IMMP2L: variants seen among roughly 807,000 people sequenced by gnomAD.
IMMP2L encodes inner mitochondrial membrane peptidase subunit 2, also known as mitochondrial inner membrane protease subunit 2.
In IMMP2L, 18 loss-of-function variants were observed where a neutral mutation model predicts 19.3. That is an observed-to-expected ratio of 0.93 (90% confidence interval 0.64 to 1.38). IMMP2L has a LOEUF of 1.38. Among genes scored for constraint, IMMP2L ranks in the 40% most tolerant of loss-of-function variants. The probability of loss-of-function intolerance (pLI) is 0.00; values close to 1 mark genes in which losing one functional copy is unlikely to be tolerated. For synonymous variants in IMMP2L, 76 were observed against 73.0 expected (o/e 1.04, Z -0.21); for missense variants, 233 against 218.2 (o/e 1.07, Z -0.43).
At chr7:110,826,500 T>C (rs1336653126) in intron 5 of IMMP2L, among the ~76,000 whole-genome samples, 1 of 152,162 alleles carries the variant, frequency 6.6e-6, no homozygotes, top group Non-Finnish European at 1.5e-5. Context: ...TGGAATACTA[T>C]GCAGCCATAA....
chr7:111,227,293 C>T (rs939450190), intron 3 of IMMP2L, among the ~76,000 whole-genome samples: 2 of 152,098 alleles, frequency 1.3e-5, no homozygotes, highest in Non-Finnish European at 2.9e-5. Context: ...TCTCCTTCTC[C>T]ATTTTCTATA....
rs535595391 is a variant in IMMP2L at position 111,229,093 on chromosome 7, T to A, written c.239+258145A>T. ...ACCCGGATTTTACATACCAACAATT[T>A]ACCAACACACTAACAGTTTACAAAA... On this transcript the variant is annotated intron_variant, in intron 3 of 5. Transcript: ENST00000405709. 2.0e-5 allele frequency among the ~76,000 whole-genome samples: 3 copies of A among 151,910 alleles called. No individual in the cohort carries two copies. In the East Asian group the frequency reaches 5.8e-4, roughly 30 times the overall value.
intron 3 of IMMP2L, among the ~76,000 whole-genome samples, chr7:111,193,909 T>C (rs1809179033): frequency 6.6e-6 from 1 of 152,184 alleles, no homozygotes; most frequent in South Asian, 2.1e-4. Context: ...TCAATTGACC[T>C]TACATCTCAA....
chr7:111,417,558 G>A lies in IMMP2L; in HGVS notation c.239+69680C>T, dbSNP rs181494114. ...GTCCTGATATGAAGGTTCGTAGTCA[G>A]AGGTCTATGAAGACCCCTCAATGTG... On this transcript the variant is annotated intron_variant, in intron 3 of 5. Coordinates refer to ENST00000405709, the MANE Select transcript of IMMP2L (RefSeq NM_032549.4). Among the ~76,000 whole-genome samples the A allele has an allele frequency of 4.5e-4, 68 of 151,880 alleles. 4 individuals carry two copies. Among genetic ancestry groups the A allele is most frequent in the African/African-American group, 1.4e-3 (59 of 41,222 alleles).
At chr7:111,426,566 C>A (rs1836097508) in intron 3 of IMMP2L, among the ~76,000 whole-genome samples, 2 of 151,068 alleles carry the variant, frequency 1.3e-5, no homozygotes, top group African/African-American at 4.9e-5. Context: ...ACTCTGCCCC[C>A]AAAAAACTGA....
At chr7:111,464,769 A>G (rs1233481822) in intron 3 of IMMP2L, among the ~76,000 whole-genome samples, 1 of 152,080 alleles carries the variant, frequency 6.6e-6, no homozygotes, top group Non-Finnish European at 1.5e-5. Flanking sequence ...TATACAAAAA[A>G]CACAGCCAAC....
chr7:111,211,239 T>C (rs981399870), intron 3 of IMMP2L, among the ~76,000 whole-genome samples: 1 of 152,102 alleles, frequency 6.6e-6, no homozygotes, highest in African/African-American at 2.4e-5. Flanking sequence ...AAAACATAAA[T>C]TGGATTTTCA....
At chr7:111,121,968 T>C (rs888431902) in intron 3 of IMMP2L, among the ~76,000 whole-genome samples, 20 of 150,986 alleles carry the variant, frequency 1.3e-4, no homozygotes, top group African/African-American at 4.6e-4. Context: ...CTCAGCAAAC[T>C]ATCGCAAGGA....
rs1329271410 is a variant in IMMP2L, at chr7:111,094,007, A to G, written c.240-130442T>C. Among the ~76,000 whole-genome samples, 3 of 152,142 alleles carry G rather than the reference A, an allele frequency of 2.0e-5. No individual in the cohort carries two copies. The East Asian group carries it at 5.8e-4, about 29-fold the overall frequency. ...GGTGCTACCAGCCTTCCAGGCCAGC[A>G]ATTTAGTGACCTACAAAAAAGGTGA... On this transcript the variant is annotated intron_variant, in intron 3 of 5. Transcript: ENST00000405709.
At chr7:111,350,715 G>C (rs781019975) in intron 3 of IMMP2L, among the ~76,000 whole-genome samples, 32 of 152,072 alleles carry the variant, frequency 2.1e-4, no homozygotes, top group Non-Finnish European at 3.7e-4. Flanking sequence ...TAGGAAAAGA[G>C]ACTCTAACAC....
At chr7:111,015,617 AAGACAGGCAAATCAGTAG>A (rs1433716382) in intron 3 of IMMP2L, among the ~76,000 whole-genome samples, 1 of 152,186 alleles carries the variant, frequency 6.6e-6, no homozygotes, top group Non-Finnish European at 1.5e-5. Context: ...TGAAATGTCC[AAGACAGGCAAATCAGTAG>A]AGACAGAAAG....
chr7:111,303,435 G>A (rs919334785), intron 3 of IMMP2L, among the ~76,000 whole-genome samples: 1 of 151,982 alleles, frequency 6.6e-6, no homozygotes, highest in East Asian at 1.9e-4. Flanking sequence ...TCACAGTTTG[G>A]AAGCAATCAA....
At chr7:111,493,532 C>T (rs1028144174) in intron 2 of IMMP2L, among the ~76,000 whole-genome samples, 3 of 151,128 alleles carry the variant, frequency 2.0e-5, no homozygotes, top group Admixed American at 2.0e-4. Context: ...GAAACCCCGT[C>T]TCTACCAAAA....
At chr7:111,048,097 G>A (rs999305260) in intron 3 of IMMP2L, among the ~76,000 whole-genome samples, 5 of 151,542 alleles carry the variant, frequency 3.3e-5, no homozygotes, top group African/African-American at 1.2e-4. Context: ...AAAATTAGCC[G>A]GGCGTGGTGG....
At chr7:110,791,485 A>C (rs1800456040) in intron 5 of IMMP2L, among the ~76,000 whole-genome samples, 1 of 148,766 alleles carries the variant, frequency 6.7e-6, no homozygotes, top group Admixed American at 6.7e-5. Context: ...AATTATTCTG[A>C]CATACATATA....
At chr7:111,288,921 T>C (rs2130806252) in intron 3 of IMMP2L, among the ~76,000 whole-genome samples, 1 of 152,232 alleles carries the variant, frequency 6.6e-6, no homozygotes, top group East Asian at 1.9e-4. Flanking sequence ...TTACTAGGCA[T>C]ATACCCAAAA....
In IMMP2L at chr7:111,246,002, C is replaced by A. The variant is rs1337969798; in HGVS notation, c.239+241236G>T. ...TCTCTTTTTTTGTTGTGTCTCTGCC[C>A]GGCTTTGGTATCAGAATGATGCTGG... On this transcript the variant is annotated intron_variant, in intron 3 of 5. Transcript: ENST00000405709. Among the ~76,000 whole-genome samples, 30 of 27,876 alleles carry A rather than the reference C, an allele frequency of 1.1e-3. 2 individuals carry two copies. The highest frequency in any genetic ancestry group is 2.2e-3 in the Admixed American group (4 of 1,780). The allele number at this position is 27,876 out of a possible 152,430, so 18.3% of individuals were successfully genotyped here.
intron 3 of IMMP2L, among the ~76,000 whole-genome samples, chr7:111,163,041 A>C (rs1278927610): frequency 2.0e-5 from 3 of 152,030 alleles, no homozygotes; most frequent in Admixed American, 6.6e-5. Context: ...GTTGCTTTAG[A>C]AAGCTTGCAA....
intron 4 of IMMP2L, among the ~76,000 whole-genome samples, chr7:110,899,312 C>T (rs1811635430): frequency 6.6e-6 from 1 of 152,044 alleles, no homozygotes; most frequent in Admixed American, 6.6e-5. Context: ...AATAGAGCTA[C>T]CTTATCAAAG....
Sources: allele counts gnomAD v4.1 joint callset (sites outside exome capture counted in the v4.1 genomes callset), GRCh38; gene constraint gnomAD v4.1.1; transcripts MANE v1.5; gene names NCBI Gene and HGNC (gene_info 2026-07-23, HGNC 2026-07-21).